HSP90AA1: variants seen among roughly 807,000 people sequenced by gnomAD.
HSP90AA1 encodes heat shock protein 90 alpha family class A member 1, also known as heat shock protein HSP 90-alpha.
Under a neutral mutation model 73.3 loss-of-function variants are expected in HSP90AA1, and 18 were observed. The observed-to-expected ratio is 0.25, with a 90% CI of 0.17 to 0.36. HSP90AA1 has a LOEUF of 0.36. Ranked by LOEUF, HSP90AA1 falls within the 10% of genes least tolerant of loss-of-function variation. The pLI is 1.00. For synonymous variants in HSP90AA1, 477 were observed against 296.9 expected (o/e 1.61, Z -6.24); for missense variants, 704 against 874.2 (o/e 0.81, Z 2.45).
intron 1 of HSP90AA1, among the ~76,000 whole-genome samples, chr14:102,137,029 C>T (rs1030558757): frequency 1.3e-4 from 20 of 152,030 alleles, no homozygotes; most frequent in Non-Finnish European, 2.5e-4. Flanking sequence ...GCCTGGCCAA[C>T]GTGGTGAAAC....
intron 1 of HSP90AA1, among the ~76,000 whole-genome samples, chr14:102,135,396 C>G (rs2049976488): frequency 6.6e-6 from 1 of 152,284 alleles, no homozygotes; most frequent in Non-Finnish European, 1.5e-5. Context: ...GGTGCACTCA[C>G]AAACCTTGAG....
At chr14:102,089,163 C>T (rs10151188), upstream of HSP90AA1, among the ~76,000 whole-genome samples, 13,788 of 152,150 alleles carry the variant, frequency 0.091, 1,013 homozygotes, top group African/African-American at 0.2. Flanking sequence ...TCAGGTGATC[C>T]GCCCGCCTCG....
At position 102,083,924 on chromosome 14, in the gene HSP90AA1, A is replaced by G; in HGVS notation, c.1207T>C (p.Leu403=). Reference sequence around the variant, plus strand: ...ACTTTCAAAATTTTGCTTTGTTGCAACATCTCACGGGATATGTTTAGAGGG... The same window carrying G: ...ACTTTCAAAATTTTGCTTTGTTGCAGCATCTCACGGGATATGTTTAGAGGG... ...DLPLNISREM[L]QQSKILKVIR... Residue 403 remains leucine, a synonymous_variant, in exon 7 of 11, where the codon TTG becomes CTG. Coordinates refer to ENST00000216281, the MANE Select transcript of HSP90AA1 (RefSeq NM_005348.4). 2.5e-6 allele frequency: 4 copies of G among 1,614,118 alleles called. No individual in the cohort carries two copies. Among genetic ancestry groups the G allele is most frequent in the Non-Finnish European group, 3.4e-6 (4 of 1,179,986 alleles).
intron 1 of HSP90AA1, chr14:102,102,088 G>A (rs1300653390): frequency 1.9e-6 from 3 of 1,612,746 alleles, no homozygotes; most frequent in South Asian, 1.1e-5. Context: ...GTGCCCTGCT[G>A]GGAACATAAA....
intron 2 of HSP90AA1, among the ~76,000 whole-genome samples, chr14:102,098,144 G>A (rs896124630): frequency 2.6e-5 from 4 of 151,754 alleles, no homozygotes; most frequent in Non-Finnish European, 4.4e-5. Context: ...TTTAAGCCTC[G>A]GGTTTGTTTT....
intron 2 of HSP90AA1, among the ~76,000 whole-genome samples, chr14:102,092,819 C>T (rs1370928673): frequency 2.6e-5 from 4 of 151,986 alleles, no homozygotes; most frequent in Admixed American, 6.6e-5. Flanking sequence ...GGCAAAATCT[C>T]GGCTCACTGC....
intron 1 of HSP90AA1, among the ~76,000 whole-genome samples, 190 bp downstream of exon 1, chr14:102,086,796 C>T (rs1481073739): frequency 1.3e-5 from 2 of 151,834 alleles, no homozygotes; most frequent in Admixed American, 1.3e-4. Flanking sequence ...GCCGCCCGGC[C>T]CATTCCTGAA....
At chr14:102,089,874 G>A (rs2049330553), upstream of HSP90AA1, among the ~76,000 whole-genome samples, 1 of 152,060 alleles carries the variant, frequency 6.6e-6, no homozygotes, top group South Asian at 2.1e-4. Flanking sequence ...CCACACAACC[G>A]TCAGCTCACC....
chr14:102,136,750 G>A (rs529803781), intron 1 of HSP90AA1, among the ~76,000 whole-genome samples: 1 of 151,110 alleles, frequency 6.6e-6, no homozygotes, highest in South Asian at 2.1e-4. Context: ...TTAGCCAGGT[G>A]TGGTGGCAGG....
intron 6 of HSP90AA1, 51 bp downstream of exon 6, chr14:102,084,348 A>G (rs778406751): frequency 1.3e-6 from 2 of 1,560,430 alleles, no homozygotes; most frequent in Non-Finnish European, 8.8e-7. Context: ...GCCCACCCAG[A>G]AAGTACTTCT....
At chr14:102,081,938 T>C (rs2049109666) in intron 10 of HSP90AA1, 117 bp from the exon 11 acceptor site, 3 of 781,918 alleles carry the variant, frequency 3.8e-6, no homozygotes, top group Admixed American at 3.8e-5. Flanking sequence ...GAGTCTCAAT[T>C]TCATTTCTTT....
rs753442629 is a variant in HSP90AA1 at position 102,084,647 on chromosome 14, A to G, written c.981+34T>C. 6 of 1,614,010 alleles carry G rather than the reference A, an allele frequency of 3.7e-6. No homozygotes were observed. In the East Asian group the frequency reaches 1.3e-4, roughly 36 times the overall value. On this transcript the variant is annotated intron_variant, in intron 5 of 10. Transcript: ENST00000216281. Reference sequence around the variant, plus strand: ...GGGTGGTGGAGAAAGATGATAATCTAAGGACAAGCTTGAAGCACCCATCAG... The same window carrying G: ...GGGTGGTGGAGAAAGATGATAATCTGAGGACAAGCTTGAAGCACCCATCAG...
intron 2 of HSP90AA1, among the ~76,000 whole-genome samples, chr14:102,100,225 A>G (rs1042581311): frequency 5.9e-5 from 9 of 152,170 alleles, no homozygotes; most frequent in Admixed American, 5.9e-4. Context: ...AACAATTATT[A>G]TGTAAAAATT....
chr14:102,119,455 A>C (rs1288182867), intron 1 of HSP90AA1, among the ~76,000 whole-genome samples: 3 of 152,064 alleles, frequency 2.0e-5, no homozygotes, highest in Non-Finnish European at 1.5e-5. Flanking sequence ...TGCATATGGA[A>C]ACTTCTATCA....
At chr14:102,105,337 G>T (rs1325602511) in intron 1 of HSP90AA1, among the ~76,000 whole-genome samples, 1 of 152,100 alleles carries the variant, frequency 6.6e-6, no homozygotes, top group East Asian at 1.9e-4. Context: ...CTCACTGTTG[G>T]AAAGACAGAT....
chr14:102,086,626 A>G (rs2049245021), intron 1 of HSP90AA1, among the ~76,000 whole-genome samples: 1 of 151,304 alleles, frequency 6.6e-6, no homozygotes, highest in Non-Finnish European at 1.5e-5. Context: ...GTCCCCAACG[A>G]ACACCCCGGG....
At chr14:102,097,947 A>T (rs552041221) in intron 2 of HSP90AA1, among the ~76,000 whole-genome samples, 2 of 151,588 alleles carry the variant, frequency 1.3e-5, no homozygotes, top group Non-Finnish European at 2.9e-5. Flanking sequence ...AGGCCCTCCC[A>T]CCCCAGCACC....
At chr14:102,130,840 C>T (rs2152626798) in intron 1 of HSP90AA1, among the ~76,000 whole-genome samples, 1 of 152,228 alleles carries the variant, frequency 6.6e-6, no homozygotes, top group South Asian at 2.1e-4. Context: ...AGTGATCCTC[C>T]TGCCTGAGCC....
At position 102,083,659 on chromosome 14, in the gene HSP90AA1, T is replaced by G; in HGVS notation, c.1373A>C (p.Lys458Thr). Residue 458 changes from lysine (K) to threonine (T), a missense_variant, in exon 8 of 11, where the codon AAG becomes ACG. By Grantham distance (78) the Lys-to-Thr change is moderately conservative. Coordinates refer to ENST00000216281, the MANE Select transcript of HSP90AA1 (RefSeq NM_005348.4). ...GTAGTACCTTAACAGCTCTGAAAGC[T>G]TCTTCCGATTTTGAGAGTCTTCGTG... Reference protein sequence around the residue: ...GIHEDSQNRKKLSELLRYYTS... With the variant: ...GIHEDSQNRKTLSELLRYYTS... The G allele has an allele frequency of 1.9e-6, 3 of 1,613,718 alleles. No homozygotes were observed. Among genetic ancestry groups the G allele is most frequent in the East Asian group, 2.2e-5 (1 of 44,868 alleles).
Sources: allele counts gnomAD v4.1 joint callset (sites outside exome capture counted in the v4.1 genomes callset), GRCh38; gene constraint gnomAD v4.1.1; transcripts MANE v1.5; gene names NCBI Gene and HGNC (gene_info 2026-07-23, HGNC 2026-07-21).